PRKX: variants seen among roughly 807,000 people sequenced by gnomAD.
PRKX encodes cAMP-dependent protein kinase catalytic subunit PRKX.
Under a neutral mutation model 22.0 loss-of-function variants are expected in PRKX, and 12 were observed. That is an observed-to-expected ratio of 0.54 (90% CI 0.35 to 0.88). The LOEUF (loss-of-function observed/expected upper bound fraction) is 0.88. PRKX is among the 40% of genes least tolerant of loss of function. PRKX has a pLI of 0.01. For missense variants in PRKX, 217 were observed against 308.0 expected, an observed-to-expected ratio of 0.70 and a Z score of 2.21; for synonymous variants, 134 against 137.7, an observed-to-expected ratio of 0.97 and a Z score of 0.19.
intron 1 of PRKX, among the ~76,000 whole-genome samples, chrX:3,678,802 A>G (rs1178642109): frequency 1.8e-5 from 2 of 111,757 alleles, no homozygotes; most frequent in Non-Finnish European, 3.8e-5. Flanking sequence ...CACATTCCCC[A>G]GTTATCATTA....
At chrX:3,643,117 C>CCCCCAA (rs773044701) in intron 3 of PRKX, among the ~76,000 whole-genome samples, 4 of 80,651 alleles carry the variant, frequency 5.0e-5, no homozygotes, top group Admixed American at 3.0e-4. Flanking sequence ...TACACCCCCA[C>CCCCCAA]CCCCCAAAAA....
At position 3,621,318 on chromosome X, in the gene PRKX, T is replaced by C; in HGVS notation, c.816-2A>G. ...ACGAGCAGTTTCTTAATGAGGTCTC[T>C]ATGTTGGGGAAGGAGACAAAAAAAA... On this transcript the variant is annotated splice_acceptor_variant, in intron 5 of 8. Transcript: ENST00000262848. LOFTEE classifies it high-confidence loss of function. 1 of 1,201,399 alleles carries C rather than the reference T, an allele frequency of 8.3e-7. No homozygotes were observed. The highest frequency in any genetic ancestry group is 1.1e-6 in the Non-Finnish European group (1 of 889,645).
chrX:3,650,940 T>A (rs1441781234), intron 3 of PRKX, among the ~76,000 whole-genome samples: 1 of 105,469 alleles, frequency 9.5e-6, no homozygotes, highest in Non-Finnish European at 1.9e-5. Flanking sequence ...TTTAGTTCCA[T>A]CTATTCTGTA....
intron 6 of PRKX, among the ~76,000 whole-genome samples, chrX:3,618,150 T>G (rs1273821327): frequency 9.2e-6 from 1 of 108,110 alleles, no homozygotes; most frequent in Non-Finnish European, 1.9e-5. Context: ...TCTAAAAAAG[T>G]TGAACTCATA....
rs1345276514 is a variant in PRKX, at chrX:3,605,281, A to G, written c.*3688T>C. 4 of 112,162 alleles carry G rather than the reference A, an allele frequency of 3.6e-5. No individual in the cohort carries two copies. Among genetic ancestry groups the G allele is most frequent in the Non-Finnish European group, 7.5e-5 (4 of 53,293 alleles). The allele number at this position is 112,162 out of a possible 1,213,427, so 9.2% of individuals were successfully genotyped here. A position where few individuals can be genotyped will look rare whatever the true frequency, so the allele number is the denominator to read the frequency against. On this transcript the variant is annotated 3_prime_UTR_variant, in exon 9 of 9. Transcript: ENST00000262848. ...GAGGAACCCGGGCACCCCATTTCAA[A>G]TCTCTACAACTGGAGAAATCAAAGG...
At chrX:3,697,086 G>A (rs773330525) in intron 1 of PRKX, among the ~76,000 whole-genome samples, 53 of 111,145 alleles carry the variant, frequency 4.8e-4, no homozygotes, top group Middle Eastern at 9.7e-3. Flanking sequence ...AGGCACAGTG[G>A]CTCATGCCTG....
chrX:3,689,797 G>T (rs917501995), intron 1 of PRKX, among the ~76,000 whole-genome samples: 2 of 111,565 alleles, frequency 1.8e-5, no homozygotes, highest in South Asian at 3.7e-4. Context: ...CTAACACGGT[G>T]AAACCCTGTC....
chrX:3,709,604 C>T (rs1225726361), intron 1 of PRKX, among the ~76,000 whole-genome samples: 1 of 110,890 alleles, frequency 9.0e-6, no homozygotes, highest in East Asian at 2.8e-4. Context: ...GTTGTAGATG[C>T]CAAATGATTC....
intron 1 of PRKX, among the ~76,000 whole-genome samples, chrX:3,692,882 A>G (rs1030342513): frequency 9.0e-6 from 1 of 111,474 alleles, no homozygotes; most frequent in Admixed American, 9.6e-5. Context: ...AGTTCCTACC[A>G]CTGAGACACA....
intron 1 of PRKX, among the ~76,000 whole-genome samples, chrX:3,700,974 A>G (rs913268912): frequency 8.9e-6 from 1 of 112,363 alleles, no homozygotes. Context: ...AGGACGAACT[A>G]AAGAAAAGCT....
chrX:3,689,503 C>T (rs866457109), intron 1 of PRKX, among the ~76,000 whole-genome samples: 1 of 111,554 alleles, frequency 9.0e-6, no homozygotes, highest in South Asian at 3.7e-4. Context: ...CATAACGAGA[C>T]CCCGTCTCTA....
chrX:3,713,299 G>C lies in PRKX; in HGVS notation c.-46C>G, dbSNP rs1313661865. 9 of 947,251 alleles carry C rather than the reference G, an allele frequency of 9.5e-6. No homozygotes were observed. The highest frequency in any genetic ancestry group is 4.4e-4 in the Middle Eastern group (1 of 2,273). The allele number at this position is 947,251 out of a possible 1,213,427, so 78.1% of individuals were successfully genotyped here. On this transcript the variant is annotated 5_prime_UTR_variant, in exon 1 of 9. Transcript: ENST00000262848. The stretch of plus-strand genomic sequence containing the variant: ...GGCACCGGGCCAGGCCGGAGCGCTC[G>C]GGGAGCCGGGCTTCCCGGGACGCAG...
chrX:3,694,313 G>A (rs1174092873), intron 1 of PRKX, among the ~76,000 whole-genome samples: 7 of 110,166 alleles, frequency 6.4e-5, no homozygotes, highest in African/African-American at 1.3e-4. Flanking sequence ...ATTTGAACCC[G>A]GGAGGCAGAG....
intron 3 of PRKX, among the ~76,000 whole-genome samples, chrX:3,651,434 C>T (rs923191640): frequency 3.6e-5 from 4 of 111,573 alleles, no homozygotes; most frequent in South Asian, 7.5e-4. Flanking sequence ...ACTAATATAC[C>T]GTGTGCTGCC....
chrX:3,694,023 G>C (rs1379300875), intron 1 of PRKX, among the ~76,000 whole-genome samples: 1 of 109,162 alleles, frequency 9.2e-6, no homozygotes, highest in Non-Finnish European at 1.9e-5. Context: ...GGCCATCCTG[G>C]ATTTAGGGTG....
At chrX:3,684,698 A>C (rs1449552171) in intron 1 of PRKX, among the ~76,000 whole-genome samples, 1 of 111,402 alleles carries the variant, frequency 9.0e-6, no homozygotes, top group Non-Finnish European at 1.9e-5. Flanking sequence ...AGGTGTGGGC[A>C]GGGCTGGTTC....
chrX:3,628,703 T>A (rs1405771725), intron 4 of PRKX, among the ~76,000 whole-genome samples: 1 of 110,820 alleles, frequency 9.0e-6, no homozygotes, highest in Non-Finnish European at 1.9e-5. Context: ...ACCACCACAC[T>A]CCAGCCTGGG....
At chrX:3,693,808 C>T (rs980459961) in intron 1 of PRKX, among the ~76,000 whole-genome samples, 11 of 107,737 alleles carry the variant, frequency 1.0e-4, no homozygotes, top group Non-Finnish European at 1.7e-4. Context: ...GGTGTGGTGG[C>T]GGGTGCCTGT....
intron 1 of PRKX, among the ~76,000 whole-genome samples, chrX:3,693,797 G>C (rs527617903): frequency 9.2e-6 from 1 of 108,535 alleles, no homozygotes; most frequent in African/African-American, 3.4e-5. Flanking sequence ...AAAATTAGCC[G>C]GGTGTGGTGG....
Sources: gnomAD v4.1 joint callset for allele counts (sites outside exome capture counted in the v4.1 genomes callset) on GRCh38, gnomAD v4.1.1 for gene constraint, MANE v1.5 for transcripts, NCBI Gene and HGNC (gene_info 2026-07-23, HGNC 2026-07-21) for gene names.